The following CHST11 variants were observed in gnomAD, a reference collection of about 807,000 sequenced individuals.
The protein encoded by CHST11 is carbohydrate sulfotransferase 11.
CHST11 carries 9 observed loss-of-function variants against 30.4 expected under a neutral mutation model. That is an observed-to-expected ratio of 0.30 (90% CI 0.18 to 0.52). The LOEUF is 0.52. Ranked by LOEUF, CHST11 falls within the 20% of genes least tolerant of loss-of-function variation. CHST11 has a pLI of 0.97. For synonymous variants in CHST11, 152 were observed against 187.8 expected (o/e 0.81, Z 1.56); for missense variants, 348 against 460.6 (o/e 0.76, Z 2.24).
At chr12:104,596,771 T>C (rs2038910480) in intron 1 of CHST11, among the ~76,000 whole-genome samples, 1 of 152,208 alleles carries the variant, frequency 6.6e-6, no homozygotes, top group Non-Finnish European at 1.5e-5. Flanking sequence ...TGGTACATTC[T>C]CGCTACGTGG....
intron 1 of CHST11, among the ~76,000 whole-genome samples, chr12:104,567,032 T>A (rs1317875647): frequency 6.6e-6 from 1 of 152,160 alleles, no homozygotes; most frequent in Admixed American, 6.5e-5. Flanking sequence ...TGCAAATTGT[T>A]CCTGATGGAA....
chr12:104,650,560 T>C (rs2039481015), intron 2 of CHST11, among the ~76,000 whole-genome samples: 1 of 151,248 alleles, frequency 6.6e-6, no homozygotes, highest in African/African-American at 2.4e-5. Context: ...TTATTCACTT[T>C]GGAGACGCGG....
At chr12:104,648,482 C>T in intron 2 of CHST11, among the ~76,000 whole-genome samples, 1 of 152,152 alleles carries the variant, frequency 6.6e-6, no homozygotes, top group Non-Finnish European at 1.5e-5. Context: ...CAAAAATCAA[C>T]TCAGAGACTC....
chr12:104,686,734 G>A (rs576348013), intron 2 of CHST11, among the ~76,000 whole-genome samples: 5 of 152,148 alleles, frequency 3.3e-5, no homozygotes, highest in African/African-American at 4.8e-5. Context: ...CGTAACCTCC[G>A]CCTCCCAGGC....
At chr12:104,661,996 G>A (rs1249946487) in intron 2 of CHST11, among the ~76,000 whole-genome samples, 1 of 152,198 alleles carries the variant, frequency 6.6e-6, no homozygotes, top group Non-Finnish European at 1.5e-5. Flanking sequence ...TTCTCAGTCT[G>A]AGATGAATCA....
In CHST11 at chr12:104,482,677, C is replaced by T. The variant is rs77616821; in HGVS notation, c.118+25148C>T. On this transcript the variant is annotated intron_variant, in intron 1 of 2. Transcript: ENST00000303694. Reference sequence around the variant, plus strand: ...GACCTAGTGTGTGCCCGGAGCTTCACACACATTGCCTCAAATTCTCACAAC... The same window carrying T: ...GACCTAGTGTGTGCCCGGAGCTTCATACACATTGCCTCAAATTCTCACAAC... Among the ~76,000 whole-genome samples the T allele has an allele frequency of 6.5e-3, 988 of 152,254 alleles. 12 individuals carry two copies. Among genetic ancestry groups the T allele is most frequent in the African/African-American group, 0.022 (925 of 41,538 alleles).
At chr12:104,705,331 A>G (rs1427863661) in intron 2 of CHST11, among the ~76,000 whole-genome samples, 1 of 151,970 alleles carries the variant, frequency 6.6e-6, no homozygotes, top group Non-Finnish European at 1.5e-5. Context: ...CCTCCGTTTT[A>G]TTATCTCTAG....
At chr12:104,580,176 TG>T (rs1420791622) in intron 1 of CHST11, among the ~76,000 whole-genome samples, 7 of 152,170 alleles carry the variant, frequency 4.6e-5, no homozygotes, top group Admixed American at 3.9e-4. Flanking sequence ...ATTTGGGGAA[TG>T]GGGGATAGAA....
intron 2 of CHST11, among the ~76,000 whole-genome samples, chr12:104,637,110 C>CT (rs2039329766): frequency 6.6e-6 from 1 of 151,590 alleles, no homozygotes; most frequent in African/African-American, 2.4e-5. Context: ...TGAGACCAGC[C>CT]TGGCCAACAT....
intron 1 of CHST11, among the ~76,000 whole-genome samples, chr12:104,532,212 G>T (rs574964471): frequency 6.6e-6 from 1 of 152,282 alleles, no homozygotes; most frequent in Admixed American, 6.5e-5. Flanking sequence ...CATGGTGTCT[G>T]AACCTTCATG....
chr12:104,585,506 A>G (rs1025693872), intron 1 of CHST11, among the ~76,000 whole-genome samples: 1 of 152,252 alleles, frequency 6.6e-6, no homozygotes, highest in Non-Finnish European at 1.5e-5. Flanking sequence ...ACCTTGGGCC[A>G]GGCCCTGCTC....
At chr12:104,693,672 C>T (rs185347648) in intron 2 of CHST11, among the ~76,000 whole-genome samples, 50 of 152,244 alleles carry the variant, frequency 3.3e-4, no homozygotes, top group Non-Finnish European at 4.6e-4. Flanking sequence ...CAGAGAAGGG[C>T]CCCTGATTTG....
chr12:104,553,087 A>T (rs2038420340), intron 1 of CHST11: 1 of 152,254 alleles, frequency 6.6e-6, no homozygotes, highest in Non-Finnish European at 1.5e-5. Flanking sequence ...CAGTTTTCTC[A>T]TTAAAATGAG....
intron 1 of CHST11, among the ~76,000 whole-genome samples, chr12:104,472,141 CTT>C (rs554866671): frequency 0.013 from 1,808 of 139,396 alleles, 44 homozygotes; most frequent in African/African-American, 0.045. Context: ...TTTTTTTTTT[CTT>C]TTTTTTTTTT....
At chr12:104,672,690 C>A (rs956173583) in intron 2 of CHST11, among the ~76,000 whole-genome samples, 1 of 152,216 alleles carries the variant, frequency 6.6e-6, no homozygotes, top group Non-Finnish European at 1.5e-5. Context: ...TGGCAACAAG[C>A]GTATGCTCTG....
At chr12:104,748,591 A>G (rs1181487146) in intron 2 of CHST11, among the ~76,000 whole-genome samples, 1 of 148,288 alleles carries the variant, frequency 6.7e-6, no homozygotes, top group Non-Finnish European at 1.5e-5. Context: ...TGGGGAGTGG[A>G]GTCGGGGGAG....
At chr12:104,714,321 A>G (rs2040111784) in intron 2 of CHST11, among the ~76,000 whole-genome samples, 1 of 152,162 alleles carries the variant, frequency 6.6e-6, no homozygotes, top group Non-Finnish European at 1.5e-5. Context: ...CTGGGGAGAA[A>G]GTGCCCAGCC....
chr12:104,527,907 G>A (rs916316625), intron 1 of CHST11, among the ~76,000 whole-genome samples: 2 of 152,208 alleles, frequency 1.3e-5, no homozygotes, highest in Non-Finnish European at 2.9e-5. Context: ...AAGGGAGGAA[G>A]TACCACACTT....
At chr12:104,492,177 A>C (rs1329417204) in intron 1 of CHST11, among the ~76,000 whole-genome samples, 1 of 152,018 alleles carries the variant, frequency 6.6e-6, no homozygotes, top group Non-Finnish European at 1.5e-5. Flanking sequence ...GCTCACTGCA[A>C]GCTCCACCTC....
Sources: gnomAD v4.1 joint callset for allele counts (sites outside exome capture counted in the v4.1 genomes callset) on GRCh38, gnomAD v4.1.1 for gene constraint, MANE v1.5 for transcripts, NCBI Gene and HGNC (gene_info 2026-07-23, HGNC 2026-07-21) for gene names.